Variants in BLZF1 observed in about 807,000 individuals in gnomAD.
BLZF1 encodes golgin-45.
BLZF1 carries 39 observed loss-of-function variants against 43.8 expected under a neutral mutation model. The ratio of observed to expected loss-of-function variants is 0.89; its 90% CI spans 0.69 to 1.16. The LOEUF (loss-of-function observed/expected upper bound fraction) is 1.16, where lower values mean the gene tolerates loss of function less well. BLZF1 is among the 50% of genes most tolerant of loss of function. BLZF1 has a pLI of 0.00. For missense variants in BLZF1, 449 were observed against 469.8 expected, an observed-to-expected ratio of 0.96 and a Z score of 0.41; for synonymous variants, 136 against 159.4, an observed-to-expected ratio of 0.85 and a Z score of 1.11.
At chr1:169,369,762 A>G (rs1234183740) in intron 2 of BLZF1, among the ~76,000 whole-genome samples, 1 of 152,022 alleles carries the variant, frequency 6.6e-6, no homozygotes, top group East Asian at 1.9e-4. Context: ...TTATTAGGTG[A>G]CTACTCTTAA....
chr1:169,375,964 G>A (rs1349900527), intron 2 of BLZF1, among the ~76,000 whole-genome samples: 1 of 152,054 alleles, frequency 6.6e-6, no homozygotes, highest in African/African-American at 2.4e-5. Context: ...ACAATCCAGT[G>A]TAGTTTCACT....
rs1484385325 is a variant in BLZF1, at chr1:169,376,536, T to A, written c.29-4T>A. ...TAGTTTCTGTTTTGTTTCCTTTTTG[T>A]TAGTCACCGTTACTTCATCCCCAAT... On this transcript the variant is annotated splice_region_variant and splice_polypyrimidine_tract_variant and intron_variant, in intron 2 of 6. Coordinates refer to ENST00000367808, the MANE Select transcript of BLZF1 (RefSeq NM_001320973.2). 1.3e-6 allele frequency: 2 copies of A among 1,573,228 alleles called. No individual in the cohort carries two copies. The highest frequency in any genetic ancestry group is 4.5e-5 in the East Asian group (2 of 44,538).
chr1:169,372,717 C>A (rs1431960181), intron 2 of BLZF1, among the ~76,000 whole-genome samples: 9 of 152,036 alleles, frequency 5.9e-5, no homozygotes, highest in Non-Finnish European at 1.2e-4. Context: ...CTTTTCACTA[C>A]CCCATTCTGC....
chr1:169,392,603 C>T (rs919407888), downstream of BLZF1, among the ~76,000 whole-genome samples: 1 of 152,202 alleles, frequency 6.6e-6, no homozygotes, highest in Admixed American at 6.5e-5. Flanking sequence ...ACCCTTGCAA[C>T]ATCCCAAGTC....
At chr1:169,391,275 A>G (rs1165251673), downstream of BLZF1, among the ~76,000 whole-genome samples, 1 of 152,188 alleles carries the variant, frequency 6.6e-6, no homozygotes, top group Admixed American at 6.5e-5. Context: ...TCACCCTTTG[A>G]GTTCGTCCGC....
intron 3 of BLZF1, among the ~76,000 whole-genome samples, chr1:169,377,822 A>G (rs1654407138): frequency 2.0e-5 from 3 of 151,966 alleles, no homozygotes; most frequent in East Asian, 3.9e-4. Context: ...TATACCATAT[A>G]CCAATAACTG....
intron 3 of BLZF1, 26 bp from the exon 4 acceptor site, chr1:169,378,304 G>A (rs1424475108): frequency 6.3e-7 from 1 of 1,599,238 alleles, no homozygotes; most frequent in Non-Finnish European, 8.6e-7. Context: ...CTTTGAGCTT[G>A]TTGTATTGAT....
chr1:169,372,195 G>A (rs1654144509), intron 2 of BLZF1, among the ~76,000 whole-genome samples: 1 of 150,274 alleles, frequency 6.7e-6, no homozygotes, highest in Non-Finnish European at 1.5e-5. Flanking sequence ...TTTATTAGGT[G>A]ATATGGGTGA....
chr1:169,371,201 G>T (rs552631225), intron 2 of BLZF1, among the ~76,000 whole-genome samples: 4 of 152,116 alleles, frequency 2.6e-5, no homozygotes, highest in Non-Finnish European at 5.9e-5. Context: ...AGACTGTAAT[G>T]AAAGTAATAA....
rs950732754 is a variant in BLZF1 at position 169,386,908 on chromosome 1, A to G, written c.1018-89A>G. 1.4e-5 allele frequency: 13 copies of G among 902,518 alleles called. No homozygotes were observed. The Admixed American group carries it at 2.5e-4, about 18-fold the overall frequency. The allele number at this position is 902,518 out of a possible 1,614,324, so 55.9% of individuals were successfully genotyped here. A position where few individuals can be genotyped will look rare whatever the true frequency, so the allele number is the denominator to read the frequency against. On this transcript the variant is annotated intron_variant, in intron 6 of 6. Coordinates refer to ENST00000367808, the MANE Select transcript of BLZF1 (RefSeq NM_001320973.2). Reference sequence around the variant, plus strand: ...GTAATAGTTATATATTAATGAAGTGAAACTTTATAGGTAGGTATACATCAA... The same window carrying G: ...GTAATAGTTATATATTAATGAAGTGGAACTTTATAGGTAGGTATACATCAA...
At chr1:169,382,769 CAA>C (rs1654562323) in intron 6 of BLZF1, among the ~76,000 whole-genome samples, 1 of 152,160 alleles carries the variant, frequency 6.6e-6, no homozygotes, top group African/African-American at 2.4e-5. Context: ...TGACAACAAC[CAA>C]GTTCACCTTC....
At chr1:169,379,372 C>T (rs973765407) in intron 4 of BLZF1, among the ~76,000 whole-genome samples, 5 of 151,940 alleles carry the variant, frequency 3.3e-5, no homozygotes, top group African/African-American at 7.2e-5. Flanking sequence ...CTCTCTTTAA[C>T]AGTCTTTTGT....
chr1:169,375,747 G>A (rs1045413479), intron 2 of BLZF1, among the ~76,000 whole-genome samples: 2 of 151,064 alleles, frequency 1.3e-5, no homozygotes, highest in Non-Finnish European at 2.9e-5. Flanking sequence ...CTGTGTGCTC[G>A]TCTTTTGTCC....
intron 6 of BLZF1, among the ~76,000 whole-genome samples, chr1:169,386,421 A>C: frequency 6.6e-6 from 1 of 152,182 alleles, no homozygotes; most frequent in South Asian, 2.1e-4. Flanking sequence ...ATTGACATGT[A>C]AAAAAACTGA....
downstream of BLZF1, among the ~76,000 whole-genome samples, chr1:169,389,727 TAAAC>T (rs1418247014): frequency 6.6e-6 from 1 of 152,238 alleles, no homozygotes; most frequent in Non-Finnish European, 1.5e-5. Context: ...GATGAATAGA[TAAAC>T]AAAATCTGGT....
In BLZF1 at chr1:169,395,110, CTG is replaced by C. The variant is rs776427089; in HGVS notation, c.*28-782_*28-781del. On this transcript the variant is annotated intron_variant, in intron 7 of 7. Coordinates refer to the BLZF1 transcript ENST00000329281. ...CTGACATATATAGGTGGTGCTGTAA[CTG>C]TTTAGAACGCTTAGCTTCTAGTCGG... 6 of 1,613,534 alleles carry C rather than the reference CTG, an allele frequency of 3.7e-6. No homozygotes were observed. The Admixed American group carries it at 1.0e-4, about 27-fold the overall frequency.
At position 169,378,394 on chromosome 1, in the gene BLZF1, A is replaced by G. The variant is rs1557848353; in HGVS notation, c.533A>G (p.Glu178Gly). Residue 178 changes from glutamate to glycine, a missense_variant, in exon 4 of 7, where the codon GAA (glutamate) becomes GGA (glycine). Transcript: ENST00000367808. The stretch of plus-strand genomic sequence containing the variant: ...GGGGATGATCTTCAGTATCACTTTG[A>G]ACGTCTAGCCCGTGAGAAAAATCAG... ...SVGDDLQYHF[E>G]RLAREKNQLI... The G allele has an allele frequency of 6.2e-7, 1 of 1,612,888 alleles. No individual in the cohort carries two copies. Among genetic ancestry groups the G allele is most frequent in the African/African-American group, 1.3e-5 (1 of 74,852 alleles).
At position 169,387,058 on chromosome 1, in the gene BLZF1, A is replaced by C; in HGVS notation, c.1079A>C (p.Glu360Ala). The C allele has an allele frequency of 6.2e-7, 1 of 1,612,282 alleles. No individual in the cohort carries two copies. Among genetic ancestry groups the C allele is most frequent in the Non-Finnish European group, 8.5e-7 (1 of 1,179,290 alleles). Residue 360 changes from glutamate (E) to alanine (A), a missense_variant, in exon 7 of 7, where the codon GAG (glutamate) becomes GCG (alanine). Physicochemically the swap from Glu to Ala is moderately radical, Grantham distance 107. Coordinates refer to ENST00000367808, the MANE Select transcript of BLZF1 (RefSeq NM_001320973.2). ...AGTTCACCTGATAATCCATTTTTTG[A>C]GTCTTCACCAACCACCTTACTTGCT... is the stretch of plus-strand genomic sequence containing the variant. ...KESSPDNPFF[E>A]SSPTTLLATK...
chr1:169,372,095 A>C (rs918270675), intron 2 of BLZF1, among the ~76,000 whole-genome samples: 7 of 152,172 alleles, frequency 4.6e-5, no homozygotes, highest in Non-Finnish European at 1.0e-4. Context: ...TGTGGTAAGA[A>C]GAATGCTTAG....
Sources: allele counts gnomAD v4.1 joint callset (sites outside exome capture counted in the v4.1 genomes callset), GRCh38; gene constraint gnomAD v4.1.1; transcripts MANE v1.5; gene names NCBI Gene and HGNC (gene_info 2026-07-23, HGNC 2026-07-21).